The following ERBB4 variants were observed in gnomAD, a reference collection of about 807,000 sequenced individuals.
ERBB4 encodes erb-b2 receptor tyrosine kinase 4.
Under a neutral mutation model 158.0 loss-of-function variants are expected in ERBB4, and 42 were observed. The observed-to-expected ratio is 0.27, with a 90% confidence interval of 0.21 to 0.34. The LOEUF is 0.34. Ranked by LOEUF, ERBB4 falls within the 10% of genes least tolerant of loss-of-function variation. ERBB4 has a pLI of 1.00. For missense variants in ERBB4, 1,333 were observed against 1,624.1 expected (o/e 0.82, Z 3.08); for synonymous variants, 583 against 558.7 (o/e 1.04, Z -0.61).
At chr2:212,510,540 T>C (rs1354350210) in intron 1 of ERBB4, among the ~76,000 whole-genome samples, 2 of 151,942 alleles carry the variant, frequency 1.3e-5, no homozygotes, top group Admixed American at 6.6e-5. Context: ...TAAAAAGTTA[T>C]AGGAAAAACA....
chr2:212,294,345 C>T (rs970109658), intron 1 of ERBB4, among the ~76,000 whole-genome samples: 1 of 151,912 alleles, frequency 6.6e-6, no homozygotes, highest in African/African-American at 2.4e-5. Context: ...ATTCGTGTCT[C>T]TATTTCTACC....
intron 2 of ERBB4, among the ~76,000 whole-genome samples, chr2:212,071,453 C>A (rs1346536781): frequency 1.3e-5 from 2 of 151,830 alleles, no homozygotes; most frequent in African/African-American, 2.4e-5. Context: ...AATACATTTA[C>A]AGGGTAATGC....
intron 3 of ERBB4, among the ~76,000 whole-genome samples, chr2:211,794,747 T>C (rs1395658792): frequency 6.6e-6 from 1 of 151,944 alleles, no homozygotes; most frequent in Non-Finnish European, 1.5e-5. Context: ...TTTTATCTTG[T>C]AACAGTACTC....
At position 212,136,877 on chromosome 2, in the gene ERBB4, T is replaced by C. The variant is rs112687092; in HGVS notation, c.83-11974A>G. ...CTTCAGATGATTTACATATAAAGCC[T>C]AATCCAAGATCACCTTCTAACAAGT... is the stretch of plus-strand genomic sequence containing the variant. On this transcript the variant is annotated intron_variant, in intron 1 of 27. Transcript: ENST00000342788. Among the ~76,000 whole-genome samples the C allele has an allele frequency of 6.9e-3, 1,055 of 152,292 alleles. 7 individuals carry two copies. Among genetic ancestry groups the C allele is most frequent in the Middle Eastern group, 0.024 (7 of 294 alleles).
chr2:211,546,467 C>G (rs565288023), intron 20 of ERBB4, among the ~76,000 whole-genome samples: 21 of 152,224 alleles, frequency 1.4e-4, no homozygotes, highest in African/African-American at 4.6e-4. Context: ...ACTGCTTGCT[C>G]TCATTCACTT....
intron 16 of ERBB4, among the ~76,000 whole-genome samples, chr2:211,637,474 T>C (rs1178733192): frequency 6.6e-6 from 1 of 152,022 alleles, no homozygotes; most frequent in African/African-American, 2.4e-5. Flanking sequence ...AGGGTGTCAC[T>C]AGCAATGCAC....
At chr2:211,488,069 T>C (rs79536373) in intron 20 of ERBB4, among the ~76,000 whole-genome samples, 9,463 of 138,566 alleles carry the variant, frequency 0.068, 318 homozygotes, top group Middle Eastern at 0.15. Context: ...AGAACCACAT[T>C]TTTTTTTTTG....
intron 3 of ERBB4, among the ~76,000 whole-genome samples, chr2:211,804,947 T>G (rs2076583385): frequency 1.4e-5 from 2 of 147,910 alleles, no homozygotes; most frequent in African/African-American, 2.5e-5. Flanking sequence ...TGAGATGGTG[T>G]GTTGCTCTGT....
intron 20 of ERBB4, among the ~76,000 whole-genome samples, chr2:211,502,748 A>G (rs112548764): frequency 1.2e-4 from 19 of 152,198 alleles, no homozygotes; most frequent in Admixed American, 3.3e-4. Context: ...TTTATAATCT[A>G]TGGAAAATCT....
rs900610949 is a variant in ERBB4 at position 212,161,164 on chromosome 2, A to T, written c.83-36261T>A. Among the ~76,000 whole-genome samples the T allele has an allele frequency of 3.3e-5, 5 of 151,940 alleles. 1 individual carries two copies. The highest frequency in any genetic ancestry group is 5.9e-5 in the Non-Finnish European group (4 of 67,904). On this transcript the variant is annotated intron_variant, in intron 1 of 27. Transcript: ENST00000342788. ...ACAATAACAACTCAAAAAGTCTTTAATCTTCATCAGCCACACAATTGAGAT... is the reference window on the plus strand; with the variant it reads ...ACAATAACAACTCAAAAAGTCTTTATTCTTCATCAGCCACACAATTGAGAT...
chr2:212,019,334 T>C (rs572854084), intron 2 of ERBB4, among the ~76,000 whole-genome samples: 1 of 152,322 alleles, frequency 6.6e-6, no homozygotes, highest in African/African-American at 2.4e-5. Flanking sequence ...TTTTTCCATA[T>C]GTGTTTGCTT....
intron 16 of ERBB4, among the ~76,000 whole-genome samples, chr2:211,647,640 T>C (rs1296786431): frequency 2.0e-5 from 3 of 151,672 alleles, no homozygotes; most frequent in Non-Finnish European, 4.4e-5. Context: ...CTAAGTATGG[T>C]ATTACATTTT....
chr2:211,442,790 A>C (rs2125457263), intron 20 of ERBB4, among the ~76,000 whole-genome samples: 1 of 152,220 alleles, frequency 6.6e-6, no homozygotes, highest in Middle Eastern at 3.4e-3. Flanking sequence ...AATTTGTCAA[A>C]CTATTTTTAA....
intron 19 of ERBB4, among the ~76,000 whole-genome samples, chr2:211,587,110 A>AGG (rs1222748330): frequency 2.6e-5 from 4 of 152,010 alleles, no homozygotes; most frequent in Non-Finnish European, 5.9e-5. Context: ...GACACCCTGC[A>AGG]GGGAGACCAA....
At chr2:211,961,608 T>TA (rs1303212929) in intron 2 of ERBB4, among the ~76,000 whole-genome samples, 1 of 152,170 alleles carries the variant, frequency 6.6e-6, no homozygotes. Context: ...AACAAGATAT[T>TA]ACGTGCCTCC....
intron 3 of ERBB4, among the ~76,000 whole-genome samples, chr2:211,920,371 A>G (rs903249366): frequency 4.6e-5 from 7 of 151,998 alleles, no homozygotes; most frequent in Non-Finnish European, 2.9e-5. Context: ...CCTATGTATC[A>G]TCTTTCTTCC....
intron 3 of ERBB4, among the ~76,000 whole-genome samples, chr2:211,899,114 A>G (rs904515845): frequency 6.6e-6 from 1 of 152,162 alleles, no homozygotes; most frequent in African/African-American, 2.4e-5. Context: ...AAAAACTCAG[A>G]TGTTCAAGAC....
intron 19 of ERBB4, among the ~76,000 whole-genome samples, chr2:211,596,609 G>A (rs1263235889): frequency 2.6e-5 from 4 of 152,024 alleles, no homozygotes; most frequent in South Asian, 2.1e-4. Flanking sequence ...ACCCCTGGGA[G>A]CCTCCTTCTT....
At chr2:211,562,998 C>T (rs2067447363) in intron 19 of ERBB4, among the ~76,000 whole-genome samples, 1 of 152,040 alleles carries the variant, frequency 6.6e-6, no homozygotes, top group Non-Finnish European at 1.5e-5. Context: ...GTCTCTATCT[C>T]CTGACCTTGT....
Sources: allele counts gnomAD v4.1 joint callset (sites outside exome capture counted in the v4.1 genomes callset), GRCh38; gene constraint gnomAD v4.1.1; transcripts MANE v1.5; gene names NCBI Gene and HGNC (gene_info 2026-07-23, HGNC 2026-07-21).